Variants in LDLRAD4 observed in about 807,000 individuals in gnomAD.
LDLRAD4 encodes low density lipoprotein receptor class A domain containing 4, also known as low-density lipoprotein receptor class A domain-containing protein 4.
Under a neutral mutation model 17.0 loss-of-function variants are expected in LDLRAD4, and 5 were observed. The observed-to-expected ratio is 0.29, with a 90% CI of 0.15 to 0.62. The LOEUF is 0.62. Ranked by LOEUF, LDLRAD4 falls within the 20% of genes least tolerant of loss-of-function variation. The pLI is 0.84. For synonymous variants in LDLRAD4, 168 were observed against 171.8 expected (o/e 0.98, Z 0.17); for missense variants, 340 against 424.7 (o/e 0.80, Z 1.75).
At position 13,621,163 on chromosome 18, in the gene LDLRAD4, G is replaced by C; in HGVS notation, c.228G>C (p.Thr76=). 6.2e-7 allele frequency: 1 copy of C among 1,614,190 alleles called. No individual in the cohort carries two copies. The highest frequency in any genetic ancestry group is 8.5e-7 in the Non-Finnish European group (1 of 1,180,012). ...TCATCATCATCGTCGTGGTGGTCAC[G>C]GTGATGGTGGTGGTCATCGTCTGCC... Residue 76 remains threonine, a synonymous_variant, in exon 4 of 6, where the codon ACG becomes ACC. Coordinates refer to ENST00000359446, the Ensembl canonical transcript of LDLRAD4. This position sits in a 1 kb window ranked among gnomAD's most constrained non-coding sequence, Gnocchi z 5.5.
chr18:13,258,609 TC>T (rs1325951551), intron 1 of LDLRAD4, among the ~76,000 whole-genome samples: 1 of 152,246 alleles, frequency 6.6e-6, no homozygotes, highest in African/African-American at 2.4e-5. Flanking sequence ...AAGATTACAT[TC>T]TTTTTCAGAA....
chr18:13,266,534 G>T lies in LDLRAD4; in HGVS notation c.-466-11571G>T, dbSNP rs1392542592. ...AGGATTCCGAGGGTCTCTGGTGGCT[G>T]CCTTCTCCAGATTTGGGCTTGGACT... is the stretch of plus-strand genomic sequence containing the variant. On this transcript the variant is annotated intron_variant, in intron 1 of 5. Coordinates refer to the LDLRAD4 transcript ENST00000399848. Among the ~76,000 whole-genome samples, 6 of 152,362 alleles carry T rather than the reference G, an allele frequency of 3.9e-5. No individual in the cohort carries two copies. The East Asian group carries it at 7.7e-4, about 20-fold the overall frequency.
chr18:13,619,805 C>G (rs1389354213), intron 3 of LDLRAD4, among the ~76,000 whole-genome samples: 2 of 152,132 alleles, frequency 1.3e-5, no homozygotes, highest in African/African-American at 4.8e-5. Context: ...TTCCCACCAG[C>G]CTGGCCTCTC....
At chr18:13,474,651 A>C (rs1046705669) in intron 3 of LDLRAD4, among the ~76,000 whole-genome samples, 1 of 152,222 alleles carries the variant, frequency 6.6e-6, no homozygotes, top group Non-Finnish European at 1.5e-5. Context: ...GCCTGGCCAG[A>C]GGGAGAGGGG....
intron 2 of LDLRAD4, among the ~76,000 whole-genome samples, chr18:13,416,535 C>T (rs1230431859): frequency 6.6e-6 from 1 of 152,178 alleles, no homozygotes; most frequent in Admixed American, 6.5e-5. Flanking sequence ...CAGCAGAGAA[C>T]CACCGTTTGA....
chr18:13,442,825 G>A (rs1343594212), intron 3 of LDLRAD4, among the ~76,000 whole-genome samples: 1 of 152,234 alleles, frequency 6.6e-6, no homozygotes, highest in Non-Finnish European at 1.5e-5. Flanking sequence ...GCCTTGGTGA[G>A]CACAGACCCC....
At chr18:13,378,679 ATTT>A (rs1167772379) in intron 1 of LDLRAD4, among the ~76,000 whole-genome samples, 1 of 152,102 alleles carries the variant, frequency 6.6e-6, no homozygotes, top group African/African-American at 2.4e-5. Context: ...CTTTCTTGAC[ATTT>A]TTTTCCTCTT....
At chr18:13,246,095 A>G (rs1186260521) in intron 1 of LDLRAD4, among the ~76,000 whole-genome samples, 1 of 152,256 alleles carries the variant, frequency 6.6e-6, no homozygotes, top group African/African-American at 2.4e-5. Flanking sequence ...GATTGGCATG[A>G]AGGTTGGGTC....
At chr18:13,341,407 C>A (rs924644191) in intron 1 of LDLRAD4, among the ~76,000 whole-genome samples, 3 of 152,028 alleles carry the variant, frequency 2.0e-5, no homozygotes, top group African/African-American at 7.2e-5. Flanking sequence ...ATTCTTTCAT[C>A]AACATTTATA....
intron 3 of LDLRAD4, among the ~76,000 whole-genome samples, chr18:13,588,662 T>C (rs1341234558): frequency 6.6e-6 from 1 of 152,150 alleles, no homozygotes; most frequent in African/African-American, 2.4e-5. Context: ...GGTGTTTTTG[T>C]ACGCAGCTTC....
rs1253675899 is a variant in LDLRAD4 at position 13,645,707 on chromosome 18, G to T, written c.*50G>T. ...GGAGAAAGAAACCAAGAAGGGAAGC[G>T]GCCGCTGGGCCCCTCCTGCGCACAG... On this transcript the variant is annotated 3_prime_UTR_variant, in exon 6 of 6. Transcript: ENST00000359446. This position sits in a 1 kb window ranked among gnomAD's most constrained non-coding sequence, Gnocchi z 5.7. 11 of 1,411,896 alleles carry T rather than the reference G, an allele frequency of 7.8e-6. No homozygotes were observed. The South Asian group carries it at 1.5e-4, about 19-fold the overall frequency. 87.5% of individuals were successfully genotyped at this position (1,411,896 alleles called of 1,614,324 possible). A position where few individuals can be genotyped will look rare whatever the true frequency, so the allele number is the denominator to read the frequency against.
Position 13,457,168 on chromosome 18 carries a change from C to T in LDLRAD4, c.181+18784C>T, listed in dbSNP as rs1045886570. On this transcript the variant is annotated intron_variant, in intron 3 of 5. Transcript: ENST00000359446. ...AGTCCAGGCCTCAGGAATTTCTGAC[C>T]GACTGGCTTCAGGTTGGGGTTCTCA... 2.0e-5 allele frequency among the ~76,000 whole-genome samples: 3 copies of T among 152,216 alleles called. No homozygotes were observed. The East Asian group carries it at 5.8e-4, about 29-fold the overall frequency.
At chr18:13,408,373 CAA>C (rs1409612495) in intron 2 of LDLRAD4, among the ~76,000 whole-genome samples, 18 of 51,914 alleles carry the variant, frequency 3.5e-4, no homozygotes, top group East Asian at 4.4e-4. Context: ...GACCCTGTCT[CAA>C]AAAAAAAAAA....
At chr18:13,498,716 C>A (rs1424446171) in intron 3 of LDLRAD4, among the ~76,000 whole-genome samples, 3 of 149,790 alleles carry the variant, frequency 2.0e-5, no homozygotes, top group African/African-American at 7.4e-5. Flanking sequence ...TCTTGCCACA[C>A]GTGTCCCACT....
intron 1 of LDLRAD4, among the ~76,000 whole-genome samples, chr18:13,336,302 C>T (rs1189698483): frequency 6.6e-6 from 1 of 152,140 alleles, no homozygotes; most frequent in Non-Finnish European, 1.5e-5. Context: ...TTTATTAAGT[C>T]CAATTTTACT....
chr18:13,620,892 G>A, intron 3 of LDLRAD4: 1 of 599,234 alleles, frequency 1.7e-6, no homozygotes, highest in Non-Finnish European at 3.0e-6. Flanking sequence ...GTGGGGGATG[G>A]CAGAGGCTTC....
At chr18:13,313,014 T>C (rs955842008) in intron 1 of LDLRAD4, among the ~76,000 whole-genome samples, 1 of 152,168 alleles carries the variant, frequency 6.6e-6, no homozygotes, top group Non-Finnish European at 1.5e-5. Context: ...ACCTTTTGCC[T>C]GGTCACTGAC....
At chr18:13,338,655 G>T (rs1251780782) in intron 1 of LDLRAD4, among the ~76,000 whole-genome samples, 2 of 152,198 alleles carry the variant, frequency 1.3e-5, no homozygotes, top group African/African-American at 2.4e-5. Context: ...AAAATCACTG[G>T]TGGTGGCCCT....
intron 3 of LDLRAD4, among the ~76,000 whole-genome samples, chr18:13,597,667 G>A (rs1362117462): frequency 6.6e-6 from 1 of 152,016 alleles, no homozygotes. Context: ...CTATAAGTTT[G>A]CTAAATCTCT....
Sources: gnomAD v4.1 joint callset for allele counts (sites outside exome capture counted in the v4.1 genomes callset) on GRCh38, gnomAD v4.1.1 for gene constraint, Gnocchi (gnomAD v3.1) non-coding constraint, MANE v1.5 for transcripts, NCBI Gene and HGNC (gene_info 2026-07-23, HGNC 2026-07-21) for gene names.